The following BRINP1 variants were observed in gnomAD, a reference collection of about 807,000 sequenced individuals.
BRINP1 encodes the protein BMP/retinoic acid inducible neural specific 1, also known as BMP/retinoic acid-inducible neural-specific protein 1.
Under a neutral mutation model 72.9 loss-of-function variants are expected in BRINP1, and 17 were observed. The ratio of observed to expected loss-of-function variants is 0.23; its 90% CI spans 0.16 to 0.35. The LOEUF (loss-of-function observed/expected upper bound fraction) is 0.35, where lower values mean the gene tolerates loss of function less well. BRINP1 is among the 10% of genes least tolerant of loss of function. The pLI, the probability that BRINP1 is intolerant of heterozygous loss-of-function variation, is 1.00. For missense variants in BRINP1, 850 were observed against 1,001.6 expected (o/e 0.85, Z 2.04); for synonymous variants, 418 against 378.5 (o/e 1.10, Z -1.21).
At chr9:119,172,933 C>A (rs894213786) in intron 7 of BRINP1, among the ~76,000 whole-genome samples, 2 of 150,914 alleles carry the variant, frequency 1.3e-5, no homozygotes. Flanking sequence ...ATTCAACCAC[C>A]CTTCATGCTA....
intron 7 of BRINP1, among the ~76,000 whole-genome samples, chr9:119,190,098 G>A (rs559445226): frequency 3.4e-4 from 51 of 151,768 alleles, no homozygotes; most frequent in Admixed American, 4.6e-4. Flanking sequence ...AAATCAAAAG[G>A]GAAACTGAAA....
chr9:119,256,709 G>T (rs1830451282), intron 2 of BRINP1, among the ~76,000 whole-genome samples: 1 of 152,164 alleles, frequency 6.6e-6, no homozygotes, highest in South Asian at 2.1e-4. Flanking sequence ...CTGTAAAATG[G>T]GGTGGGGCAG....
chr9:119,304,709 G>A (rs1326462558), intron 2 of BRINP1, among the ~76,000 whole-genome samples: 2 of 152,244 alleles, frequency 1.3e-5, no homozygotes, highest in African/African-American at 4.8e-5. Context: ...ATGCTGCACG[G>A]GAAAAGGCTG....
At chr9:119,245,530 C>A (rs1164464171) in intron 3 of BRINP1, among the ~76,000 whole-genome samples, 1 of 152,126 alleles carries the variant, frequency 6.6e-6, no homozygotes, top group Non-Finnish European at 1.5e-5. Flanking sequence ...TTTCCCTTCA[C>A]CCCCCTTCAT....
chr9:119,174,468 C>G (rs1829457265), intron 7 of BRINP1, among the ~76,000 whole-genome samples: 2 of 146,972 alleles, frequency 1.4e-5, no homozygotes, highest in South Asian at 4.4e-4. Context: ...CAGGAAACAA[C>G]AGGTGCTGGA....
chr9:119,369,028 C>G (rs376865215), intron 1 of BRINP1, 28 bp downstream of exon 1: 102 of 394,226 alleles, frequency 2.6e-4, no homozygotes, highest in African/African-American at 1.8e-3. Context: ...AGCGGGGCTG[C>G]GGGGCGCTGC....
intron 1 of BRINP1, among the ~76,000 whole-genome samples, chr9:119,360,337 G>C (rs187960423): frequency 6.6e-6 from 1 of 152,170 alleles, no homozygotes; most frequent in Admixed American, 6.5e-5. Context: ...AGATGTTTTT[G>C]TCGTCCCAGC....
Position 119,167,387 on chromosome 9 carries a change from G to A in BRINP1, c.1983C>T (p.Ser661=). Residue 661 remains serine (S), a synonymous_variant, in exon 8 of 8, where the codon AGC becomes AGT. Coordinates refer to ENST00000265922, the MANE Select transcript of BRINP1 (RefSeq NM_014618.3). The surrounding 1 kb of genome is among the most constrained non-coding windows in gnomAD (Gnocchi z 4.3). ...KISDVQVFGY[S]LRFNADLLRS... ...GCAGGAGGTCGGCGTTGAACCTCAG[G>A]CTATACCCAAACACCTGCACGTCTG... is the stretch of plus-strand genomic sequence containing the variant. 3 of 1,614,090 alleles carry A rather than the reference G, an allele frequency of 1.9e-6. No homozygotes were observed. Among genetic ancestry groups the A allele is most frequent in the Middle Eastern group, 1.6e-4 (1 of 6,062 alleles).
At chr9:119,227,372 T>C (rs1302571199) in intron 5 of BRINP1, among the ~76,000 whole-genome samples, 3 of 152,090 alleles carry the variant, frequency 2.0e-5, no homozygotes, top group Non-Finnish European at 2.9e-5. Context: ...GAGTCTTTGA[T>C]TGATATCCTC....
intron 1 of BRINP1, among the ~76,000 whole-genome samples, chr9:119,355,137 T>C (rs58785819): frequency 0.018 from 2,807 of 152,192 alleles, 90 homozygotes; most frequent in African/African-American, 0.064. Context: ...ATTAAAGAAA[T>C]ATTAGAAAAT....
At chr9:119,272,437 C>A (rs920960303) in intron 2 of BRINP1, among the ~76,000 whole-genome samples, 18 of 152,028 alleles carry the variant, frequency 1.2e-4, no homozygotes, top group Non-Finnish European at 2.5e-4. Context: ...AGGTGGGTGA[C>A]CTGCACATCC....
intron 2 of BRINP1, among the ~76,000 whole-genome samples, chr9:119,312,863 T>G (rs1446725018): frequency 6.6e-6 from 1 of 152,202 alleles, no homozygotes; most frequent in Non-Finnish European, 1.5e-5. Context: ...CTGATGGCTA[T>G]TAGAATGTTT....
intron 7 of BRINP1, among the ~76,000 whole-genome samples, chr9:119,204,430 T>G (rs900143905): frequency 1.3e-5 from 2 of 151,674 alleles, no homozygotes; most frequent in Admixed American, 1.3e-4. Flanking sequence ...TCACTAAATC[T>G]AAATCTTAAC....
At chr9:119,213,672 G>T in intron 6 of BRINP1, 1 of 591,390 alleles carries the variant, frequency 1.7e-6, no homozygotes, top group Admixed American at 3.1e-5. Context: ...TCTGTCTTCT[G>T]GGTACGACAG....
At chr9:119,244,041 G>A (rs978499916) in intron 3 of BRINP1, among the ~76,000 whole-genome samples, 6 of 152,120 alleles carry the variant, frequency 3.9e-5, no homozygotes, top group Admixed American at 1.3e-4. Context: ...ATTTTCCCTC[G>A]TCGTTAGGAC....
chr9:119,287,995 A>T (rs1830783763), intron 2 of BRINP1, among the ~76,000 whole-genome samples: 1 of 151,960 alleles, frequency 6.6e-6, no homozygotes, highest in Non-Finnish European at 1.5e-5. Context: ...TTAAAAGTTA[A>T]AAAAAAAGAA....
intron 1 of BRINP1, among the ~76,000 whole-genome samples, chr9:119,325,557 CTTCTTTT>C (rs1831231179): frequency 6.6e-6 from 1 of 152,222 alleles, no homozygotes; most frequent in African/African-American, 2.4e-5. Flanking sequence ...GCCTTACACA[CTTCTTTT>C]TTCTAAGCCT....
intron 1 of BRINP1, among the ~76,000 whole-genome samples, chr9:119,321,478 TA>T (rs1353014988): frequency 1.3e-5 from 2 of 152,108 alleles, no homozygotes; most frequent in Admixed American, 6.5e-5. Context: ...GGAATTTATT[TA>T]TTTTTTTTAT....
intron 2 of BRINP1, among the ~76,000 whole-genome samples, chr9:119,269,776 T>C (rs1830589782): frequency 6.6e-6 from 1 of 152,136 alleles, no homozygotes; most frequent in Non-Finnish European, 1.5e-5. Context: ...TCATTCAATA[T>C]TTCATTCATT....
Sources: gnomAD v4.1 joint callset for allele counts (sites outside exome capture counted in the v4.1 genomes callset) on GRCh38, gnomAD v4.1.1 for gene constraint, Gnocchi (gnomAD v3.1) non-coding constraint, MANE v1.5 for transcripts, NCBI Gene and HGNC (gene_info 2026-07-23, HGNC 2026-07-21) for gene names.